MYRIP: variants seen among roughly 807,000 people sequenced by gnomAD.
The protein encoded by MYRIP is myosin VIIA and Rab interacting protein.
MYRIP carries 49 observed loss-of-function variants against 98.0 expected under a neutral mutation model. The ratio of observed to expected loss-of-function variants is 0.50; its 90% CI spans 0.40 to 0.63. The LOEUF is 0.63. Among genes scored for constraint, MYRIP ranks in the 30% least tolerant of loss-of-function variants. The pLI is 0.00. For synonymous variants in MYRIP, 404 were observed against 409.5 expected (o/e 0.99, Z 0.16); for missense variants, 1,004 against 1,058.2 (o/e 0.95, Z 0.71).
intron 3 of MYRIP, among the ~76,000 whole-genome samples, chr3:40,134,071 C>T (rs565011162): frequency 9.9e-5 from 15 of 152,226 alleles, no homozygotes; most frequent in African/African-American, 2.6e-4. Context: ...CTGCGTGAGC[C>T]GAAGCAGGGC....
intron 8 of MYRIP, chr3:40,173,909 T>G (rs1398610614): frequency 1.3e-5 from 2 of 152,190 alleles, no homozygotes; most frequent in Non-Finnish European, 1.5e-5. Flanking sequence ...AAAGAGAACT[T>G]AAGCATTTCT....
intron 1 of MYRIP, among the ~76,000 whole-genome samples, chr3:39,896,366 G>T (rs1036294231): frequency 6.6e-6 from 1 of 152,194 alleles, no homozygotes; most frequent in Non-Finnish European, 1.5e-5. Flanking sequence ...GAAGGGGCCA[G>T]TTCATGGTAG....
chr3:40,167,534 C>A (rs1207897203), intron 7 of MYRIP, among the ~76,000 whole-genome samples: 3 of 152,214 alleles, frequency 2.0e-5, no homozygotes, highest in Non-Finnish European at 4.4e-5. Flanking sequence ...TGACAAGGAT[C>A]TTTCTGTCTT....
At chr3:40,016,782 G>A (rs1275748125) in intron 2 of MYRIP, among the ~76,000 whole-genome samples, 1 of 152,142 alleles carries the variant, frequency 6.6e-6, no homozygotes. Context: ...TCTTATTAAC[G>A]TACACAAAGC....
chr3:39,936,596 A>G (rs1944660757), intron 2 of MYRIP, among the ~76,000 whole-genome samples: 2 of 152,212 alleles, frequency 1.3e-5, no homozygotes, highest in African/African-American at 4.8e-5. Flanking sequence ...GCACAGCCAC[A>G]TGAGCTGCAG....
Position 40,060,436 on chromosome 3 carries a change from A to G in MYRIP, c.332+16165A>G, listed in dbSNP as rs559210164. ...GATTTTTTTTTTCTTATTTCAAAGG[A>G]AAAACACTGACAAAAAAGGCAGCAT... On this transcript the variant is annotated intron_variant, in intron 3 of 16. Coordinates refer to ENST00000302541, the MANE Select transcript of MYRIP (RefSeq NM_015460.4). Among the ~76,000 whole-genome samples the G allele has an allele frequency of 4.2e-4, 64 of 152,180 alleles. 1 individual carries two copies. The highest frequency in any genetic ancestry group is 6.8e-3 in the Middle Eastern group (2 of 294).
In MYRIP at chr3:39,955,102, C is replaced by T. The variant is rs140873556; in HGVS notation, c.110+54176C>T. On this transcript the variant is annotated intron_variant, in intron 2 of 16. Transcript: ENST00000302541. Reference sequence around the variant, plus strand: ...TGAAACCAAGTTGGAAAACACTCTGCAGGATATTATACAGGAGAACTTCCC... The same window carrying T: ...TGAAACCAAGTTGGAAAACACTCTGTAGGATATTATACAGGAGAACTTCCC... 5.7e-4 allele frequency among the ~76,000 whole-genome samples: 87 copies of T among 152,190 alleles called. 1 individual carries two copies. Among genetic ancestry groups the T allele is most frequent in the African/African-American group, 2.0e-3 (84 of 41,562 alleles).
chr3:39,828,216 T>C (rs549170029), intron 1 of MYRIP, among the ~76,000 whole-genome samples: 2 of 152,268 alleles, frequency 1.3e-5, no homozygotes, highest in South Asian at 4.1e-4. Context: ...GGAATGCCCA[T>C]AATGTGACTA....
intron 2 of MYRIP, among the ~76,000 whole-genome samples, chr3:39,946,600 A>G (rs1209553247): frequency 6.6e-6 from 1 of 152,144 alleles, no homozygotes; most frequent in Non-Finnish European, 1.5e-5. Context: ...TCCCCAGCCA[A>G]CAGCTGGAAG....
intron 8 of MYRIP, among the ~76,000 whole-genome samples, chr3:40,181,088 CTT>C (rs1950872773): frequency 2.0e-5 from 3 of 152,082 alleles, no homozygotes; most frequent in Non-Finnish European, 4.4e-5. Context: ...GTCTTTCTTT[CTT>C]TGTTATTCTC....
At chr3:39,976,565 A>G (rs925546601) in intron 2 of MYRIP, among the ~76,000 whole-genome samples, 1 of 152,202 alleles carries the variant, frequency 6.6e-6, no homozygotes, top group Non-Finnish European at 1.5e-5. Flanking sequence ...AAAGGATTAT[A>G]AATCATGCTT....
chr3:39,877,525 G>A (rs1013637120), intron 1 of MYRIP, among the ~76,000 whole-genome samples: 1 of 152,092 alleles, frequency 6.6e-6, no homozygotes, highest in Non-Finnish European at 1.5e-5. Flanking sequence ...TTTTTGGTGT[G>A]GATGTCCTTT....
At chr3:39,882,447 C>T (rs1009561636) in intron 1 of MYRIP, among the ~76,000 whole-genome samples, 2 of 152,094 alleles carry the variant, frequency 1.3e-5, no homozygotes, top group African/African-American at 2.4e-5. Flanking sequence ...ATTTAGAACC[C>T]ACAAATGACA....
At chr3:40,051,905 A>C (rs1353394345) in intron 3 of MYRIP, among the ~76,000 whole-genome samples, 1 of 151,772 alleles carries the variant, frequency 6.6e-6, no homozygotes, top group Non-Finnish European at 1.5e-5. Context: ...ATTTTTATTG[A>C]TATATCTTAG....
chr3:40,012,737 C>G (rs891554427), intron 2 of MYRIP, among the ~76,000 whole-genome samples: 2 of 152,154 alleles, frequency 1.3e-5, no homozygotes, highest in Non-Finnish European at 2.9e-5. Flanking sequence ...CTCATCTCAT[C>G]TTTTCCTGCC....
chr3:40,022,805 G>A (rs6809575), intron 2 of MYRIP, among the ~76,000 whole-genome samples: 75,733 of 151,960 alleles, frequency 0.5, 20,479 homozygotes, highest in East Asian at 0.67. Flanking sequence ...TCTTTGGATA[G>A]AAGTTATGCT....
intron 2 of MYRIP, among the ~76,000 whole-genome samples, chr3:40,009,348 T>A (rs1343098157): frequency 6.6e-6 from 1 of 151,616 alleles, no homozygotes; most frequent in African/African-American, 2.4e-5. Flanking sequence ...GCGATTCTCC[T>A]ACCTCAGCCT....
chr3:40,083,386 G>T (rs1053442238), intron 3 of MYRIP, among the ~76,000 whole-genome samples: 2 of 151,852 alleles, frequency 1.3e-5, no homozygotes, highest in African/African-American at 2.4e-5. Flanking sequence ...CAGTCCTGGA[G>T]GGCCCAATGT....
chr3:40,099,084 T>C (rs1282724897), intron 3 of MYRIP, among the ~76,000 whole-genome samples: 1 of 152,178 alleles, frequency 6.6e-6, no homozygotes, highest in Non-Finnish European at 1.5e-5. Flanking sequence ...CACTGGACAA[T>C]TAACCAGCTT....
Sources: gnomAD v4.1 joint callset for allele counts (sites outside exome capture counted in the v4.1 genomes callset) on GRCh38, gnomAD v4.1.1 for gene constraint, MANE v1.5 for transcripts, NCBI Gene and HGNC (gene_info 2026-07-23, HGNC 2026-07-21) for gene names.